Variants in FAM200B observed in about 807,000 individuals in gnomAD.
FAM200B encodes the protein protein FAM200B.
In FAM200B, 32 loss-of-function variants were observed where a neutral mutation model predicts 33.1. The observed-to-expected ratio is 0.97, with a 90% CI of 0.73 to 1.30. FAM200B has a LOEUF of 1.30. FAM200B is among the 50% of genes most tolerant of loss of function. The pLI, the probability that FAM200B is intolerant of heterozygous loss-of-function variation, is 0.00. For synonymous variants in FAM200B, 240 were observed against 264.8 expected (o/e 0.91, Z 0.91); for missense variants, 741 against 754.0 (o/e 0.98, Z 0.20).
the FAM200B span, chr4:15,644,823 G>A: frequency 3.0e-6 from 2 of 666,974 alleles, no homozygotes; most frequent in Non-Finnish European, 2.5e-6. Context: ...CCTTACACTT[G>A]GTTAAAGTAC....
upstream of FAM200B, among the ~76,000 whole-genome samples, chr4:15,680,940 T>A (rs191899465): frequency 4.8e-3 from 719 of 148,902 alleles, 23 homozygotes; most frequent in Admixed American, 0.046. Flanking sequence ...TATATTCTCC[T>A]TTATATGTTT....
the FAM200B span, among the ~76,000 whole-genome samples, chr4:15,671,706 C>T: frequency 6.6e-6 from 1 of 152,172 alleles, no homozygotes; most frequent in East Asian, 1.9e-4. Flanking sequence ...ACTCCCATTA[C>T]ACACTAGGGT....
chr4:15,689,148 A>T lies in FAM200B; in HGVS notation c.*197A>T. 2.4e-6 allele frequency: 1 copy of T among 424,170 alleles called. No individual in the cohort carries two copies. Among genetic ancestry groups the T allele is most frequent in the Non-Finnish European group, 4.2e-6 (1 of 240,308 alleles). The allele number at this position is 424,170 out of a possible 1,614,324, so 26.3% of individuals were successfully genotyped here. A position where few individuals can be genotyped will look rare whatever the true frequency, so the allele number is the denominator to read the frequency against. ...TTAGAGGCCAGGAACTATTCTAGAG[A>T]CATTTGGGATACAAAAGTGAACAAA... On this transcript the variant is annotated 3_prime_UTR_variant, in exon 2 of 2. Transcript: ENST00000422728.
At chr4:15,669,232 T>C in the FAM200B span, among the ~76,000 whole-genome samples, 1 of 152,202 alleles carries the variant, frequency 6.6e-6, no homozygotes, top group South Asian at 2.1e-4. Context: ...TGGCTATATA[T>C]ACAGCCTCTT....
chr4:15,662,375 CACTT>C, the FAM200B span, among the ~76,000 whole-genome samples: 1 of 151,960 alleles, frequency 6.6e-6, no homozygotes, highest in African/African-American at 2.4e-5. Context: ...TCTAGGTCCT[CACTT>C]AATAAACTAT....
the FAM200B span, among the ~76,000 whole-genome samples, chr4:15,671,365 C>A: frequency 6.6e-6 from 1 of 152,102 alleles, no homozygotes; most frequent in Non-Finnish European, 1.5e-5. Context: ...GAAAACAGTA[C>A]CTTTTTGCCC....
At chr4:15,667,249 C>A in the FAM200B span, among the ~76,000 whole-genome samples, 1 of 152,172 alleles carries the variant, frequency 6.6e-6, no homozygotes, top group Non-Finnish European at 1.5e-5. Context: ...ACCTTGATGG[C>A]AGTCCATGAG....
the FAM200B span, among the ~76,000 whole-genome samples, chr4:15,637,895 GT>G: frequency 8.1e-6 from 1 of 123,890 alleles, no homozygotes; most frequent in African/African-American, 2.9e-5. Flanking sequence ...TGAGGAACTA[GT>G]TTTTTTAAAA....
In FAM200B at chr4:15,689,321, C is replaced by G. The variant is rs1332568234; in HGVS notation, c.*370C>G. 5.8e-6 allele frequency: 1 copy of G among 173,156 alleles called. No homozygotes were observed. The highest frequency in any genetic ancestry group is 1.4e-5 in the Non-Finnish European group (1 of 72,532). The allele number at this position is 173,156 out of a possible 1,614,324, so 10.7% of individuals were successfully genotyped here. On this transcript the variant is annotated 3_prime_UTR_variant, in exon 2 of 2. Coordinates refer to ENST00000422728, the MANE Select transcript of FAM200B (RefSeq NM_001145191.2). Reference sequence around the variant, plus strand: ...TCAGGGAAGTACTGGGGAACCAAACCATGAAGGGTTCTGTAGACCATTATT... The same window carrying G: ...TCAGGGAAGTACTGGGGAACCAAACGATGAAGGGTTCTGTAGACCATTATT...
At chr4:15,673,544 G>C in the FAM200B span, among the ~76,000 whole-genome samples, 1 of 152,268 alleles carries the variant, frequency 6.6e-6, no homozygotes, top group South Asian at 2.1e-4. Context: ...GACATCACTA[G>C]GTGGTAGGAA....
At chr4:15,657,143 C>G in the FAM200B span, among the ~76,000 whole-genome samples, 2 of 152,138 alleles carry the variant, frequency 1.3e-5, no homozygotes, top group Non-Finnish European at 2.9e-5. Context: ...TTTTAATAAC[C>G]TCCAGAGAGC....
chr4:15,637,410 TAA>T, the FAM200B span, among the ~76,000 whole-genome samples: 2 of 152,192 alleles, frequency 1.3e-5, no homozygotes, highest in African/African-American at 4.8e-5. Flanking sequence ...ATAAAAAATA[TAA>T]AAGATTCATC....
chr4:15,668,573 AAAGG>A, the FAM200B span, among the ~76,000 whole-genome samples: 14 of 152,324 alleles, frequency 9.2e-5, no homozygotes, highest in Middle Eastern at 3.4e-3. Flanking sequence ...TAAAAAGAAA[AAAGG>A]AAGTATAAAA....
chr4:15,688,251 G>C lies in FAM200B; in HGVS notation c.1274G>C (p.Trp425Ser), dbSNP rs1213662736. 1.3e-6 allele frequency: 2 copies of C among 1,549,190 alleles called. No individual in the cohort carries two copies. Among genetic ancestry groups the C allele is most frequent in the Non-Finnish European group, 1.7e-6 (2 of 1,145,154 alleles). The change falls in exon 2 of 2, where the codon TGG becomes TCG. Residue 425 changes from tryptophan (W) to serine (S), a missense_variant. Physicochemically the swap from Trp to Ser is radical, Grantham distance 177. Transcript: ENST00000422728. Reference protein sequence around the residue: ...HLASIFEDDTWVTKLAYLTDI... With the variant: ...HLASIFEDDTSVTKLAYLTDI... ...GCAAGTATTTTTGAAGATGATACTT[G>C]GGTAACAAAATTGGCATATTTAACT...
chr4:15,671,390 A>C, the FAM200B span, among the ~76,000 whole-genome samples: 4 of 151,768 alleles, frequency 2.6e-5, no homozygotes, highest in African/African-American at 9.7e-5. Flanking sequence ...TCCATTTAAG[A>C]TTTTATCTTT....
the FAM200B span, among the ~76,000 whole-genome samples, chr4:15,659,233 T>C: frequency 6.6e-6 from 1 of 152,222 alleles, no homozygotes; most frequent in African/African-American, 2.4e-5. Context: ...GCATACATAG[T>C]AGGCATAAAA....
chr4:15,655,235 A>G, the FAM200B span: 1 of 1,439,862 alleles, frequency 6.9e-7, no homozygotes, highest in Non-Finnish European at 9.3e-7. Flanking sequence ...CAGCTGCTTC[A>G]TCCGCCAGTG....
At chr4:15,645,283 T>C in the FAM200B span, among the ~76,000 whole-genome samples, 1 of 152,122 alleles carries the variant, frequency 6.6e-6, no homozygotes. Context: ...CTACTATACA[T>C]AACAGAATTA....
upstream of FAM200B, among the ~76,000 whole-genome samples, chr4:15,676,925 G>A (rs1416471875): frequency 6.6e-6 from 1 of 152,116 alleles, no homozygotes; most frequent in Non-Finnish European, 1.5e-5. Context: ...GACAAAAAAA[G>A]TAGTCACGAA....
Sources: gnomAD v4.1 joint callset for allele counts (sites outside exome capture counted in the v4.1 genomes callset) on GRCh38, gnomAD v4.1.1 for gene constraint, MANE v1.5 for transcripts, NCBI Gene and HGNC (gene_info 2026-07-23, HGNC 2026-07-21) for gene names.